Variants in SMYD3 observed in about 807,000 individuals in gnomAD.
The protein encoded by SMYD3 is SET and MYND domain containing 3.
Under a neutral mutation model 57.7 loss-of-function variants are expected in SMYD3, and 36 were observed. The observed-to-expected ratio is 0.62, with a 90% CI of 0.48 to 0.82. SMYD3 has a LOEUF of 0.82. Ranked by LOEUF, SMYD3 falls within the 40% of genes least tolerant of loss-of-function variation. The probability of loss-of-function intolerance (pLI) is 0.00; values close to 1 mark genes in which losing one functional copy is unlikely to be tolerated. For missense variants in SMYD3, 515 were observed against 538.8 expected (o/e 0.96, Z 0.44); for synonymous variants, 211 against 195.0 (o/e 1.08, Z -0.68).
At chr1:246,066,022 A>G (rs1027916655) in intron 5 of SMYD3, among the ~76,000 whole-genome samples, 1 of 152,194 alleles carries the variant, frequency 6.6e-6, no homozygotes, top group African/African-American at 2.4e-5. Flanking sequence ...GCCTTATAAA[A>G]TTTCTACCAA....
At chr1:245,964,330 A>T (rs1245511082) in intron 5 of SMYD3, among the ~76,000 whole-genome samples, 1 of 152,188 alleles carries the variant, frequency 6.6e-6, no homozygotes, top group Non-Finnish European at 1.5e-5. Flanking sequence ...TAAGCTTCGG[A>T]GGGGACAAAA....
intron 5 of SMYD3, among the ~76,000 whole-genome samples, chr1:246,160,996 G>T (rs1017572148): frequency 1.4e-4 from 22 of 152,318 alleles, no homozygotes; most frequent in African/African-American, 5.3e-4. Context: ...TTACCAACAT[G>T]CAGGCTGGGA....
chr1:245,798,403 C>CCACACATACACAT (rs1243737615), intron 10 of SMYD3, among the ~76,000 whole-genome samples: 1 of 12,678 alleles, frequency 7.9e-5, no homozygotes, highest in African/African-American at 1.2e-4. Context: ...CACACACACA[C>CCACACATACACAT]ACATACACAC....
intron 5 of SMYD3, among the ~76,000 whole-genome samples, chr1:246,002,819 C>T (rs2059101541): frequency 6.6e-6 from 1 of 152,018 alleles, no homozygotes; most frequent in Non-Finnish European, 1.5e-5. Flanking sequence ...GTGCAATCAT[C>T]GCTCACCGCA....
intron 5 of SMYD3, among the ~76,000 whole-genome samples, chr1:246,122,589 T>C (rs2061440591): frequency 1.3e-5 from 2 of 152,212 alleles, no homozygotes; most frequent in Admixed American, 6.5e-5. Flanking sequence ...TAATGAAATA[T>C]CCCTAGTTGC....
At chr1:245,785,049 C>T (rs1270508908) in intron 10 of SMYD3, among the ~76,000 whole-genome samples, 1 of 150,514 alleles carries the variant, frequency 6.6e-6, no homozygotes, top group African/African-American at 2.4e-5. Context: ...TGGGGTTTCA[C>T]TATGTTGGCC....
chr1:245,891,131 T>C (rs930183563), intron 8 of SMYD3, among the ~76,000 whole-genome samples: 1 of 152,090 alleles, frequency 6.6e-6, no homozygotes, highest in Non-Finnish European at 1.5e-5. Flanking sequence ...TATAATCAGA[T>C]AGAATGAATA....
chr1:246,446,699 G>T (rs746347260), intron 1 of SMYD3, among the ~76,000 whole-genome samples: 32 of 152,188 alleles, frequency 2.1e-4, no homozygotes, highest in Admixed American at 5.9e-4. Flanking sequence ...ACTGTTAAAA[G>T]GAGTTGTCTA....
intron 5 of SMYD3, among the ~76,000 whole-genome samples, chr1:246,189,549 G>C (rs549488944): frequency 6.6e-5 from 10 of 152,188 alleles, no homozygotes; most frequent in Non-Finnish European, 1.5e-4. Context: ...AAATAGGAAA[G>C]ATGAAAAGGT....
intron 5 of SMYD3, among the ~76,000 whole-genome samples, chr1:246,031,581 T>A (rs935615561): frequency 2.0e-5 from 3 of 151,476 alleles, no homozygotes; most frequent in African/African-American, 7.3e-5. Flanking sequence ...ACTAAAAATA[T>A]AAAAAATTAG....
chr1:246,163,181 T>C (rs2062150920), intron 5 of SMYD3, among the ~76,000 whole-genome samples: 2 of 152,218 alleles, frequency 1.3e-5, no homozygotes, highest in Admixed American at 6.5e-5. Context: ...ACCACAACTA[T>C]ATATGACTAT....
At chr1:246,154,971 C>T (rs936270818) in intron 5 of SMYD3, among the ~76,000 whole-genome samples, 42 of 152,004 alleles carry the variant, frequency 2.8e-4, no homozygotes, top group African/African-American at 8.7e-4. Flanking sequence ...TTAGTAGAGA[C>T]AGGGTTTCAC....
intron 5 of SMYD3, among the ~76,000 whole-genome samples, chr1:246,207,943 C>G (rs1029478068): frequency 4.6e-5 from 7 of 152,084 alleles, no homozygotes; most frequent in Non-Finnish European, 8.8e-5. Flanking sequence ...ATTAATTGGT[C>G]TAGTTAACCA....
chr1:246,195,780 T>C (rs1451478405), intron 5 of SMYD3, among the ~76,000 whole-genome samples: 1 of 152,178 alleles, frequency 6.6e-6, no homozygotes, highest in African/African-American at 2.4e-5. Flanking sequence ...ATTATTATAA[T>C]GGGTGAAGGG....
At chr1:245,866,727 G>A (rs900924523) in intron 8 of SMYD3, among the ~76,000 whole-genome samples, 1 of 152,076 alleles carries the variant, frequency 6.6e-6, no homozygotes, top group Admixed American at 6.5e-5. Flanking sequence ...GCGAGACTCT[G>A]CCTCAAAAAA....
At chr1:245,913,770 T>G (rs981306822) in intron 8 of SMYD3, among the ~76,000 whole-genome samples, 4 of 151,824 alleles carry the variant, frequency 2.6e-5, no homozygotes, top group African/African-American at 9.7e-5. Flanking sequence ...CTCAAACAAC[T>G]CAACAGCAAA....
At chr1:245,930,702 G>A (rs2056661947) in intron 5 of SMYD3, 1 of 152,262 alleles carries the variant, frequency 6.6e-6, no homozygotes, top group Admixed American at 6.5e-5. Context: ...AGACAGGTGC[G>A]AGGAAAAGAG....
Position 246,273,135 on chromosome 1 carries a change from CTTTTTT to C in SMYD3, c.531+54060_531+54065del, listed in dbSNP as rs71299006. ...TGATTCATAATAATGTCCCTGTTTT[CTTTTTT>C]TTTTTTTTTTTCTTTTTTTTGGGGG... On this transcript the variant is annotated intron_variant, in intron 5 of 11. Transcript: ENST00000490107. Among the ~76,000 whole-genome samples the C allele has an allele frequency of 3.7e-5, 4 of 107,608 alleles. No individual in the cohort carries two copies. The East Asian group carries it at 9.3e-4, about 25-fold the overall frequency. 70.6% of individuals were successfully genotyped at this position (107,608 alleles called of 152,430 possible). A position where few individuals can be genotyped will look rare whatever the true frequency, so the allele number is the denominator to read the frequency against.
intron 10 of SMYD3, among the ~76,000 whole-genome samples, chr1:245,847,576 T>C (rs543823196): frequency 6.6e-6 from 1 of 152,278 alleles, no homozygotes; most frequent in East Asian, 1.9e-4. Flanking sequence ...ACAGGGGAAA[T>C]GGGATTTCTT....
Sources: allele counts gnomAD v4.1 joint callset (sites outside exome capture counted in the v4.1 genomes callset), GRCh38; gene constraint gnomAD v4.1.1; transcripts MANE v1.5; gene names NCBI Gene and HGNC (gene_info 2026-07-23, HGNC 2026-07-21).